Variants in PPP2R5C observed in about 807,000 individuals in gnomAD.
The protein encoded by PPP2R5C is protein phosphatase 2 regulatory subunit B'gamma, also known as serine/threonine-protein phosphatase 2A 56 kDa regulatory subunit gamma isoform.
PPP2R5C carries 7 observed loss-of-function variants against 68.9 expected under a neutral mutation model. That is an observed-to-expected ratio of 0.10 (90% confidence interval 0.06 to 0.19). PPP2R5C has a LOEUF of 0.19. Among genes scored for constraint, PPP2R5C ranks in the 10% least tolerant of loss-of-function variants. The pLI, the probability that PPP2R5C is intolerant of heterozygous loss-of-function variation, is 1.00. For synonymous variants in PPP2R5C, 210 were observed against 222.2 expected (o/e 0.95, Z 0.49); for missense variants, 348 against 641.3 (o/e 0.54, Z 4.94).
chr14:101,840,162 T>A (rs927968699), intron 1 of PPP2R5C, among the ~76,000 whole-genome samples: 10 of 152,192 alleles, frequency 6.6e-5, no homozygotes, highest in African/African-American at 2.4e-4. Flanking sequence ...CTTATTTTCC[T>A]GGATTAAAAA....
chr14:101,815,773 G>A (rs770177204), intron 1 of PPP2R5C, among the ~76,000 whole-genome samples: 8 of 152,148 alleles, frequency 5.3e-5, no homozygotes, highest in Non-Finnish European at 1.0e-4. Context: ...AGGTTCAAGC[G>A]ATTCTCCTGC....
Position 101,913,319 on chromosome 14 carries a change from A to G in PPP2R5C, c.1326+846A>G, listed in dbSNP as rs1222723775. 3.3e-5 allele frequency among the ~76,000 whole-genome samples: 5 copies of G among 152,238 alleles called. No individual in the cohort carries two copies. Among genetic ancestry groups the G allele is most frequent in the Admixed American group, 1.3e-4 (2 of 15,286 alleles). On this transcript the variant is annotated intron_variant, in intron 12 of 13. Transcript: ENST00000334743. This position sits in a 1 kb window ranked among gnomAD's most constrained non-coding sequence, Gnocchi z 4.1. ...CAATGTATTTCTTTTAGTGAGAGAT[A>G]TGCATAGTTACCTAAGTTGGTTTTT...
chr14:101,881,770 C>T (rs1221801085), intron 2 of PPP2R5C, among the ~76,000 whole-genome samples: 2 of 152,248 alleles, frequency 1.3e-5, no homozygotes, highest in Non-Finnish European at 2.9e-5. Context: ...CTGTGAATCT[C>T]TGCTGCGTCT....
At chr14:101,898,073 T>G (rs556325815) in intron 8 of PPP2R5C, among the ~76,000 whole-genome samples, 2 of 151,650 alleles carry the variant, frequency 1.3e-5, no homozygotes, top group Admixed American at 6.6e-5. Flanking sequence ...GGTGGAAGAG[T>G]TGTTTGAGCC....
At chr14:101,926,874 T>C (rs536151918) in exon 14 of PPP2R5C, 3 of 152,280 alleles carry the variant, frequency 2.0e-5, no homozygotes, top group Admixed American at 1.3e-4. Context: ...CTTCTTGTGG[T>C]AAGAGCAAGT....
At position 101,863,402 on chromosome 14, in the gene PPP2R5C, A is replaced by AT. The variant is rs1002039361; in HGVS notation, c.294+6527dup. 8.1e-3 allele frequency among the ~76,000 whole-genome samples: 1,211 copies of AT among 150,074 alleles called. 16 individuals are homozygous for AT. Among genetic ancestry groups the AT allele is most frequent in the African/African-American group, 0.028 (1,134 of 40,908 alleles). On this transcript the variant is annotated intron_variant, in intron 2 of 13. Transcript: ENST00000334743. The stretch of plus-strand genomic sequence containing the variant: ...TCCTGCCCCAGCCTCCCAAGTTGGG[A>AT]TTTTTTTTTTAATTTCTGTGGTTTA...
rs2140843639 is a variant in PPP2R5C at position 101,876,714 on chromosome 14, C to CG, written c.295-5445dup. ...GGTGCTTCCTGATATTAACCAGAGACGGTCCTGGCACAGATGGGGCCGTGT... is the reference window on the plus strand; with the variant it reads ...GGTGCTTCCTGATATTAACCAGAGACGGGTCCTGGCACAGATGGGGCCGTGT... On this transcript the variant is annotated intron_variant, in intron 2 of 13. Coordinates refer to ENST00000334743, the Ensembl canonical transcript of PPP2R5C. Among the ~76,000 whole-genome samples, 2 of 152,282 alleles carry CG rather than the reference C, an allele frequency of 1.3e-5. 1 individual carries two copies. The highest frequency in any genetic ancestry group is 4.8e-5 in the African/African-American group (2 of 41,556).
In PPP2R5C at chr14:101,797,845, C is replaced by CCAGCACT. The variant is rs1439404428; in HGVS notation, c.259+11664_259+11670dup. 1 of 154,088 alleles carries CCAGCACT rather than the reference C, an allele frequency of 6.5e-6. No homozygotes were observed. Among genetic ancestry groups the CCAGCACT allele is most frequent in the Non-Finnish European group, 1.4e-5 (1 of 69,446 alleles). The allele number at this position is 154,088 out of a possible 1,614,324, so 9.5% of individuals were successfully genotyped here. On this transcript the variant is annotated intron_variant, in intron 3 of 14. Transcript: ENST00000328724. This position sits in a 1 kb window ranked among gnomAD's most constrained non-coding sequence, Gnocchi z 4.2. ...AGTAACCAAGGTCTCACACACAGCC[C>CCAGCACT]CAGCACTCTGGGTGGATTTCACTTC...
At chr14:101,881,894 T>C (rs755945295) in intron 2 of PPP2R5C, among the ~76,000 whole-genome samples, 1 of 152,198 alleles carries the variant, frequency 6.6e-6, no homozygotes, top group Admixed American at 6.5e-5. Context: ...TTTGTTGGTG[T>C]TGGTTGTCAT....
At chr14:101,910,996 CAG>C (rs1444042163) in intron 11 of PPP2R5C, among the ~76,000 whole-genome samples, 5 of 151,796 alleles carry the variant, frequency 3.3e-5, no homozygotes, top group African/African-American at 4.8e-5. Context: ...CCCAGCTACT[CAG>C]AGTCTGAGGC....
At chr14:101,823,823 C>T (rs1036819144) in intron 1 of PPP2R5C, 15 of 1,188,162 alleles carry the variant, frequency 1.3e-5, no homozygotes, top group South Asian at 1.1e-4. Flanking sequence ...TCTATCTACA[C>T]GGTACTTTCT....
At chr14:101,892,765 T>G (rs1034040052) in intron 6 of PPP2R5C, among the ~76,000 whole-genome samples, 1 of 152,068 alleles carries the variant, frequency 6.6e-6, no homozygotes, top group East Asian at 1.9e-4. Context: ...TAGAGAACAG[T>G]GGCTCTTCAC....
intron 6 of PPP2R5C, 80 bp downstream of exon 8, chr14:101,890,376 C>G (rs114360097): frequency 2.4e-5 from 32 of 1,343,014 alleles, no homozygotes; most frequent in Non-Finnish European, 3.0e-5. Context: ...TCCAGCTGCC[C>G]GCTTTAAAGC....
At chr14:101,878,692 T>G (rs1372577419) in intron 2 of PPP2R5C, among the ~76,000 whole-genome samples, 1 of 152,196 alleles carries the variant, frequency 6.6e-6, no homozygotes, top group Admixed American at 6.5e-5. Context: ...AGGCCGCAGG[T>G]GGACTCTCCT....
chr14:101,792,904 G>A (rs921661481), intron 3 of PPP2R5C, among the ~76,000 whole-genome samples: 6 of 147,012 alleles, frequency 4.1e-5, no homozygotes, highest in African/African-American at 1.5e-4. Flanking sequence ...TTTTGAGACA[G>A]TCTCATGGTC....
chr14:101,780,463 T>C (rs2037619617), intron 2 of PPP2R5C, among the ~76,000 whole-genome samples: 1 of 152,202 alleles, frequency 6.6e-6, no homozygotes, highest in South Asian at 2.1e-4. Flanking sequence ...GGAGACGCTC[T>C]TAGTTGTCGC....
chr14:101,875,097 G>T (rs1350911848), intron 2 of PPP2R5C, among the ~76,000 whole-genome samples: 1 of 152,188 alleles, frequency 6.6e-6, no homozygotes, highest in Admixed American at 6.5e-5. Flanking sequence ...TGAATAGATT[G>T]TAAAAATAGC....
At position 101,762,732 on chromosome 14, in the gene PPP2R5C, G is replaced by A. The variant is rs570029739; in HGVS notation, c.28-173G>A. Among the ~76,000 whole-genome samples the A allele has an allele frequency of 1.6e-4, 24 of 152,094 alleles. 1 individual carries two copies. The highest frequency in any genetic ancestry group is 1.0e-3 in the Admixed American group (16 of 15,282). ...AAAGAATCTGAATGGGGGTTGGGGGGCATTGCACTGTTGGAATCCTAAACG... is the reference window on the plus strand; with the variant it reads ...AAAGAATCTGAATGGGGGTTGGGGGACATTGCACTGTTGGAATCCTAAACG... On this transcript the variant is annotated intron_variant, in intron 1 of 14. Transcript: ENST00000328724.
intron 8 of PPP2R5C, among the ~76,000 whole-genome samples, chr14:101,900,293 G>C (rs1002705142): frequency 6.6e-6 from 1 of 152,198 alleles, no homozygotes; most frequent in Non-Finnish European, 1.5e-5. Flanking sequence ...TTTTCTAAAT[G>C]GATGTTAAAT....
Sources: gnomAD v4.1 joint callset for allele counts (sites outside exome capture counted in the v4.1 genomes callset) on GRCh38, gnomAD v4.1.1 for gene constraint, Gnocchi (gnomAD v3.1) non-coding constraint, MANE v1.5 for transcripts, NCBI Gene and HGNC (gene_info 2026-07-23, HGNC 2026-07-21) for gene names.